TMCO6: variants seen among roughly 807,000 people sequenced by gnomAD.
TMCO6 encodes the protein transmembrane and coiled-coil domains 6.
In TMCO6, 47 loss-of-function variants were observed where a neutral mutation model predicts 61.8. The ratio of observed to expected loss-of-function variants is 0.76; its 90% CI spans 0.60 to 0.97. The LOEUF (loss-of-function observed/expected upper bound fraction) is 0.97, where lower values mean the gene tolerates loss of function less well. Among genes scored for constraint, TMCO6 ranks in the 50% least tolerant of loss-of-function variants. TMCO6 has a pLI of 0.00. For missense variants in TMCO6, 557 were observed against 601.6 expected (o/e 0.93, Z 0.78); for synonymous variants, 261 against 254.2 (o/e 1.03, Z -0.25).
chr5:140,605,739 A>ACACACAC, the TMCO6 span, among the ~76,000 whole-genome samples: 2 of 39,696 alleles, frequency 5.0e-5, no homozygotes, highest in African/African-American at 1.5e-4. Flanking sequence ...ACACACACAC[A>ACACACAC]AAGAAAGAAG....
downstream of TMCO6, chr5:140,645,796 T>G (rs928778036): frequency 3.3e-6 from 5 of 1,507,900 alleles, no homozygotes; most frequent in African/African-American, 5.5e-5. Context: ...ATTAAAGAGA[T>G]ATGATCAAAA....
chr5:140,647,518 G>C (rs769050771), downstream of TMCO6: 1 of 1,612,618 alleles, frequency 6.2e-7, no homozygotes, highest in South Asian at 1.1e-5. Flanking sequence ...GCTGACATAA[G>C]TGGATGCGAA....
At chr5:140,640,491 C>T (rs1480237556) in intron 2 of TMCO6, among the ~76,000 whole-genome samples, 3 of 151,588 alleles carry the variant, frequency 2.0e-5, no homozygotes, top group African/African-American at 7.3e-5. Flanking sequence ...CTGCAACATC[C>T]GCCTCCCGGG....
chr5:140,643,932 C>T lies in TMCO6; in HGVS notation c.1071C>T (p.Leu357=), dbSNP rs769238414. ...QFFFQKQPSL[L]PEGLWLLNNL... is the part of the protein sequence containing the mutation. The stretch of plus-strand genomic sequence containing the variant: ...TTTTCCAGAAACAGCCCAGTCTGCT[C>T]CCTGAGGGCCTTTGGCTCCTCAACA... Residue 357 remains leucine (L), a synonymous_variant, in exon 9 of 12, where the codon CTC becomes CTT. Coordinates refer to ENST00000394671, the MANE Select transcript of TMCO6 (RefSeq NM_018502.5). 7 of 1,614,096 alleles carry T rather than the reference C, an allele frequency of 4.3e-6. No individual in the cohort carries two copies. In the Admixed American group the frequency reaches 1.2e-4, roughly 27 times the overall value.
the TMCO6 span, among the ~76,000 whole-genome samples, chr5:140,631,456 A>G: frequency 6.6e-6 from 1 of 152,166 alleles, no homozygotes; most frequent in Non-Finnish European, 1.5e-5. Flanking sequence ...AATATTTTGT[A>G]TCTTCCAAAT....
At chr5:140,634,180 G>A in the TMCO6 span, among the ~76,000 whole-genome samples, 7 of 152,260 alleles carry the variant, frequency 4.6e-5, no homozygotes, top group African/African-American at 1.7e-4. Context: ...TCCTGAAATT[G>A]TGAAGCAAGG....
At chr5:140,599,082 A>G in the TMCO6 span, among the ~76,000 whole-genome samples, 1 of 152,200 alleles carries the variant, frequency 6.6e-6, no homozygotes, top group Admixed American at 6.5e-5. Flanking sequence ...CCCCAGGGCC[A>G]CCTGCATTCT....
At chr5:140,641,594 G>T in intron 2 of TMCO6, 71 bp from the exon 3 acceptor site, 6 of 1,323,006 alleles carry the variant, frequency 4.5e-6, no homozygotes, top group Non-Finnish European at 6.4e-6. Flanking sequence ...CACAGGTGAA[G>T]TGGGCAGAGA....
the TMCO6 span, among the ~76,000 whole-genome samples, chr5:140,599,326 T>A: frequency 6.6e-6 from 1 of 152,190 alleles, no homozygotes; most frequent in Non-Finnish European, 1.5e-5. Flanking sequence ...CCTACTTTAA[T>A]CTATCCCTCA....
At chr5:140,617,974 G>A in the TMCO6 span, among the ~76,000 whole-genome samples, 1 of 152,032 alleles carries the variant, frequency 6.6e-6, no homozygotes, top group Admixed American at 6.6e-5. Context: ...AATATTGAAC[G>A]GGAAAAACAA....
chr5:140,642,090 G>T, intron 4 of TMCO6, 37 bp downstream of exon 4: 1 of 1,579,400 alleles, frequency 6.3e-7, no homozygotes. Flanking sequence ...TCTTGGTTTA[G>T]ATTTTAAAAT....
the TMCO6 span, among the ~76,000 whole-genome samples, chr5:140,621,161 A>C: frequency 2.0e-5 from 3 of 152,244 alleles, no homozygotes; most frequent in Admixed American, 6.5e-5. Flanking sequence ...CAATTTCTTC[A>C]CTTGGCTTCC....
downstream of TMCO6, chr5:140,647,070 C>A (rs759368986): frequency 1.5e-6 from 1 of 673,466 alleles, no homozygotes; most frequent in East Asian, 2.9e-5. Context: ...ACTTATGTTG[C>A]CCGGAATACA....
At chr5:140,633,789 C>CTTTTTT in the TMCO6 span, 1 of 124,404 alleles carries the variant, frequency 8.0e-6, no homozygotes, top group African/African-American at 3.0e-5. Context: ...AACTTTCTTT[C>CTTTTTT]TTTTTTTTTT....
the TMCO6 span, among the ~76,000 whole-genome samples, chr5:140,607,522 T>C: frequency 1.1e-4 from 17 of 152,230 alleles, no homozygotes; most frequent in African/African-American, 3.9e-4. Flanking sequence ...AAATTTTGTT[T>C]GGATATGCCT....
At chr5:140,605,692 AACACACACACACAC>A in the TMCO6 span, among the ~76,000 whole-genome samples, 65 of 118,582 alleles carry the variant, frequency 5.5e-4, no homozygotes, top group Admixed American at 1.1e-3. Context: ...AAAAAAACAA[AACACACACACACAC>A]ACACACACAC....
chr5:140,646,305 C>T (rs1757395181), downstream of TMCO6, among the ~76,000 whole-genome samples: 1 of 152,150 alleles, frequency 6.6e-6, no homozygotes, highest in South Asian at 2.1e-4. Context: ...ACCACCGCAC[C>T]CAGCTGGGTA....
the TMCO6 span, among the ~76,000 whole-genome samples, chr5:140,600,455 G>A: frequency 1.3e-5 from 2 of 151,606 alleles, no homozygotes; most frequent in Non-Finnish European, 2.9e-5. Flanking sequence ...TTACCCATAG[G>A]GTGAATTTGT....
chr5:140,631,833 C>T, the TMCO6 span: 1 of 1,520,532 alleles, frequency 6.6e-7, no homozygotes, highest in Non-Finnish European at 8.8e-7. Flanking sequence ...AGTTTGAGTC[C>T]ATTCATTATT....
Sources: allele counts gnomAD v4.1 joint callset (sites outside exome capture counted in the v4.1 genomes callset), GRCh38; gene constraint gnomAD v4.1.1; transcripts MANE v1.5; gene names NCBI Gene and HGNC (gene_info 2026-07-23, HGNC 2026-07-21).